Variants in SMCO2 observed in about 807,000 individuals in gnomAD.
SMCO2 encodes single-pass membrane protein with coiled-coil domains 2.
SMCO2 carries 25 observed loss-of-function variants against 29.5 expected under a neutral mutation model. The ratio of observed to expected loss-of-function variants is 0.85; its 90% CI spans 0.62 to 1.18. SMCO2 has a LOEUF of 1.18. Ranked by LOEUF, SMCO2 falls within the 50% of genes most tolerant of loss-of-function variation. The pLI is 0.00. For missense variants in SMCO2, 348 were observed against 344.5 expected (o/e 1.01, Z -0.08); for synonymous variants, 117 against 123.3 (o/e 0.95, Z 0.34).
intron 4 of SMCO2, among the ~76,000 whole-genome samples, chr12:27,476,593 T>C (rs560834723): frequency 6.6e-6 from 1 of 152,254 alleles, no homozygotes; most frequent in African/African-American, 2.4e-5. Flanking sequence ...GTTAAATTGA[T>C]CCTTTTGTCA....
the SMCO2 span, among the ~76,000 whole-genome samples, chr12:27,446,312 AG>A: frequency 6.6e-6 from 1 of 152,052 alleles, no homozygotes; most frequent in Non-Finnish European, 1.5e-5. Context: ...GGAGAGAGAA[AG>A]CTCTCTGGTG....
Position 27,501,431 on chromosome 12 carries a change from A to AC in SMCO2, c.684-492_684-491insC, listed in dbSNP as rs1565685298. ...ACTCCGTCTCAAAAAAAAAAAAAAAAAAAAAACAAACAAACAAAACAAAAC... is the reference window on the plus strand; with the variant it reads ...ACTCCGTCTCAAAAAAAAAAAAAAAACAAAAAACAAACAAACAAAACAAAAC... On this transcript the variant is annotated intron_variant, in intron 7 of 7. Coordinates refer to ENST00000298876, the Ensembl canonical transcript of SMCO2. Among the ~76,000 whole-genome samples, 175 of 133,758 alleles carry AC rather than the reference A, an allele frequency of 1.3e-3. 4 individuals carry two copies. Among genetic ancestry groups the AC allele is most frequent in the African/African-American group, 4.7e-3 (151 of 32,184 alleles). The allele number at this position is 133,758 out of a possible 152,430, so 87.8% of individuals were successfully genotyped here.
chr12:27,472,049 A>T (rs985582305), intron 2 of SMCO2, among the ~76,000 whole-genome samples: 6 of 152,190 alleles, frequency 3.9e-5, no homozygotes, highest in African/African-American at 1.4e-4. Context: ...ATCTGTTAAT[A>T]AAAAAACTGA....
At chr12:27,486,964 T>G (rs987439506) in intron 4 of SMCO2, among the ~76,000 whole-genome samples, 16 of 152,350 alleles carry the variant, frequency 1.1e-4, no homozygotes, top group Non-Finnish European at 4.4e-5. Flanking sequence ...GTTTCAAAAA[T>G]ATATATGCAA....
At chr12:27,471,734 T>C (rs1181273661) in intron 2 of SMCO2, among the ~76,000 whole-genome samples, 1 of 152,108 alleles carries the variant, frequency 6.6e-6, no homozygotes, top group Non-Finnish European at 1.5e-5. Flanking sequence ...TAACACTAAA[T>C]GAGATACCAG....
At chr12:27,475,453 C>T in intron 4 of SMCO2, 129 bp from the exon 5 acceptor site, 2 of 961,524 alleles carry the variant, frequency 2.1e-6, no homozygotes, top group Non-Finnish European at 1.4e-6. Flanking sequence ...CTTGTGTGCC[C>T]ACCTGGCCCA....
the SMCO2 span, among the ~76,000 whole-genome samples, chr12:27,450,593 A>G: frequency 6.6e-6 from 1 of 152,120 alleles, no homozygotes; most frequent in Non-Finnish European, 1.5e-5. Flanking sequence ...CACGAGGAGG[A>G]TCACAACCCA....
chr12:27,436,903 C>G, the SMCO2 span, among the ~76,000 whole-genome samples: 103 of 152,336 alleles, frequency 6.8e-4, no homozygotes, highest in African/African-American at 2.2e-3. Context: ...CTTTTTCACT[C>G]TCTTCAAACT....
rs547964063 is a variant in SMCO2 at position 27,495,727 on chromosome 12, T to C, written c.555T>C (p.Tyr185=). 1.8e-4 allele frequency: 277 copies of C among 1,534,566 alleles called. 22 individuals carry two copies. The African/African-American group carries it at 3.5e-3, about 19-fold the overall frequency. ...TGCTGAGTGCAAAGCTAAGGATGTA[T>C]CAAATGGAGGCAGAGGACACTGACT... Residue 185 remains tyrosine, a synonymous_variant, in exon 7 of 8, where the codon TAT becomes TAC. Transcript: ENST00000298876.
chr12:27,434,352 C>G, the SMCO2 span, among the ~76,000 whole-genome samples: 1 of 152,268 alleles, frequency 6.6e-6, no homozygotes, highest in East Asian at 1.9e-4. Flanking sequence ...CTATTGCTTG[C>G]TTTGTGTCTG....
intron 3 of SMCO2, 139 bp from the exon 4 acceptor site, chr12:27,474,647 C>A: frequency 1.1e-6 from 1 of 928,114 alleles, no homozygotes; most frequent in Non-Finnish European, 1.6e-6. Flanking sequence ...GCTTAGCTTA[C>A]AGATGCATCA....
intron 4 of SMCO2, among the ~76,000 whole-genome samples, chr12:27,488,186 G>GT (rs1949705469): frequency 6.6e-6 from 1 of 151,600 alleles, no homozygotes; most frequent in Non-Finnish European, 1.5e-5. Context: ...TTTTCTGTGT[G>GT]TTTTTTTCTT....
At chr12:27,465,287 C>T (rs1949490341), upstream of SMCO2, among the ~76,000 whole-genome samples, 2 of 152,170 alleles carry the variant, frequency 1.3e-5, no homozygotes, top group Admixed American at 1.3e-4. Flanking sequence ...TTAGTAACCA[C>T]TCAGCAAGTA....
chr12:27,452,263 C>T, the SMCO2 span, among the ~76,000 whole-genome samples: 4 of 152,136 alleles, frequency 2.6e-5, no homozygotes, highest in African/African-American at 9.7e-5. Context: ...GTGTAATGGT[C>T]AAGTTGGGGC....
intron 1 of SMCO2, among the ~76,000 whole-genome samples, chr12:27,468,139 A>G (rs1193304506): frequency 3.3e-5 from 5 of 152,136 alleles, no homozygotes; most frequent in Non-Finnish European, 2.9e-5. Flanking sequence ...CAATAAGATA[A>G]GGCCCAGCTG....
chr12:27,497,619 A>G (rs1943022127), intron 7 of SMCO2: 1 of 152,600 alleles, frequency 6.6e-6, no homozygotes, highest in South Asian at 2.0e-4. Flanking sequence ...AGTTTTACCT[A>G]CTGGGGAGGC....
the SMCO2 span, among the ~76,000 whole-genome samples, chr12:27,457,667 A>T: frequency 4.6e-5 from 7 of 152,378 alleles, no homozygotes; most frequent in South Asian, 1.2e-3. Flanking sequence ...TGCAGCCAAA[A>T]GCATGTCAAT....
At chr12:27,441,526 G>A in the SMCO2 span, among the ~76,000 whole-genome samples, 1 of 152,150 alleles carries the variant, frequency 6.6e-6, no homozygotes, top group African/African-American at 2.4e-5. Context: ...AATTCAGGAA[G>A]AGGATATAAA....
At chr12:27,489,981 T>C (rs1949721838) in intron 5 of SMCO2, among the ~76,000 whole-genome samples, 1 of 152,146 alleles carries the variant, frequency 6.6e-6, no homozygotes, top group South Asian at 2.1e-4. Flanking sequence ...GGGAGGAGTT[T>C]GGAATAATAT....
Sources: gnomAD v4.1 joint callset for allele counts (sites outside exome capture counted in the v4.1 genomes callset) on GRCh38, gnomAD v4.1.1 for gene constraint, MANE v1.5 for transcripts, NCBI Gene and HGNC (gene_info 2026-07-23, HGNC 2026-07-21) for gene names.